Variants in MGAT4C observed in about 807,000 individuals in gnomAD.
The protein encoded by MGAT4C is alpha-1,3-mannosyl-glycoprotein 4-beta-N-acetylglucosaminyltransferase C.
In MGAT4C, 19 loss-of-function variants were observed where a neutral mutation model predicts 40.1. The observed-to-expected ratio is 0.47, with a 90% CI of 0.33 to 0.70. MGAT4C has a LOEUF of 0.70. MGAT4C is among the 30% of genes least tolerant of loss of function. The probability of loss-of-function intolerance (pLI) is 0.02; values close to 1 mark genes in which losing one functional copy is unlikely to be tolerated. For synonymous variants in MGAT4C, 181 were observed against 187.1 expected (o/e 0.97, Z 0.27); for missense variants, 491 against 563.2 (o/e 0.87, Z 1.30).
At chr12:86,432,564 A>C (rs1957060480) in intron 3 of MGAT4C, among the ~76,000 whole-genome samples, 1 of 152,028 alleles carries the variant, frequency 6.6e-6, no homozygotes, top group Non-Finnish European at 1.5e-5. Context: ...TTGTAAATAA[A>C]GGAAAGAAGT....
chr12:86,453,757 T>C (rs1426265801), intron 2 of MGAT4C, among the ~76,000 whole-genome samples: 2 of 152,146 alleles, frequency 1.3e-5, no homozygotes, highest in South Asian at 2.1e-4. Context: ...ATTATTCTTA[T>C]GTCGGGAAAA....
intron 2 of MGAT4C, among the ~76,000 whole-genome samples, chr12:86,660,504 C>A (rs1262806090): frequency 6.6e-6 from 1 of 152,062 alleles, no homozygotes; most frequent in African/African-American, 2.4e-5. Context: ...ATATAAAGAT[C>A]TGGAGTTCAG....
At chr12:86,589,881 G>A (rs1476453733) in intron 2 of MGAT4C, among the ~76,000 whole-genome samples, 1 of 151,880 alleles carries the variant, frequency 6.6e-6, no homozygotes, top group Non-Finnish European at 1.5e-5. Flanking sequence ...ACAAACAAAA[G>A]CACAAGGCCT....
chr12:86,138,567 C>T (rs922063814), intron 1 of MGAT4C, among the ~76,000 whole-genome samples: 9 of 144,294 alleles, frequency 6.2e-5, no homozygotes, highest in Non-Finnish European at 1.1e-4. Flanking sequence ...TATATATTTC[C>T]ATAGATATAT....
At chr12:86,212,891 CAAAAAAAAAAA>C (rs71076172) in intron 1 of MGAT4C, among the ~76,000 whole-genome samples, 78 of 22,524 alleles carry the variant, frequency 3.5e-3, no homozygotes, top group African/African-American at 0.014. Flanking sequence ...GACTCCGTCT[CAAAAAAAAAAA>C]AAAAAAAAAA....
At chr12:86,547,281 C>T (rs149453495) in intron 2 of MGAT4C, among the ~76,000 whole-genome samples, 1 of 152,112 alleles carries the variant, frequency 6.6e-6, no homozygotes, top group African/African-American at 2.4e-5. Context: ...TCCTCATCCT[C>T]TTCTTCTCCC....
chr12:86,283,562 T>C (rs1322857473), intron 4 of MGAT4C, among the ~76,000 whole-genome samples: 2 of 152,118 alleles, frequency 1.3e-5, no homozygotes, highest in African/African-American at 4.8e-5. Flanking sequence ...ATTCTAGTTT[T>C]TATTAATATG....
At chr12:86,150,283 G>A (rs1462293992) in intron 1 of MGAT4C, among the ~76,000 whole-genome samples, 2 of 152,138 alleles carry the variant, frequency 1.3e-5, no homozygotes, top group African/African-American at 4.8e-5. Context: ...ACAGGCCAGG[G>A]TACCAGTCCG....
At chr12:86,137,576 T>A (rs1882148289) in intron 1 of MGAT4C, among the ~76,000 whole-genome samples, 1 of 152,202 alleles carries the variant, frequency 6.6e-6, no homozygotes, top group Admixed American at 6.5e-5. Context: ...TTCTTATCAG[T>A]TCTTTACTCA....
intron 2 of MGAT4C, among the ~76,000 whole-genome samples, chr12:86,724,269 C>T (rs1452762224): frequency 6.6e-6 from 1 of 152,148 alleles, no homozygotes; most frequent in Non-Finnish European, 1.5e-5. Context: ...ATGCATACAC[C>T]TATTTAATGA....
chr12:85,970,311 T>G lies in MGAT4C; in HGVS notation c.*8978A>C, dbSNP rs1284907910. 6.6e-6 allele frequency: 1 copy of G among 151,326 alleles called. No homozygotes were observed. Among genetic ancestry groups the G allele is most frequent in the African/African-American group, 2.4e-5 (1 of 41,372 alleles). The allele number at this position is 151,326 out of a possible 1,614,324, so 9.4% of individuals were successfully genotyped here. A position where few individuals can be genotyped will look rare whatever the true frequency, so the allele number is the denominator to read the frequency against. ...TAGTCTAGTAGATTGACAGGCAGTT[T>G]TATTAAGAAATGAATCAAATGGTAA... On this transcript the variant is annotated 3_prime_UTR_variant, in exon 5 of 5. Coordinates refer to ENST00000611864, the MANE Select transcript of MGAT4C (RefSeq NM_001351288.2).
At chr12:86,587,841 A>AT (rs1312537990) in intron 2 of MGAT4C, among the ~76,000 whole-genome samples, 2 of 150,990 alleles carry the variant, frequency 1.3e-5, no homozygotes, top group Non-Finnish European at 3.0e-5. Context: ...GCTTTAGGAG[A>AT]TTTTGGGCTG....
chr12:86,725,005 A>G (rs986115513), intron 2 of MGAT4C, among the ~76,000 whole-genome samples: 1 of 152,216 alleles, frequency 6.6e-6, no homozygotes, highest in Admixed American at 6.5e-5. Flanking sequence ...TTTACACAAT[A>G]CATAAAACTT....
chr12:86,335,875 C>T (rs763186345), intron 3 of MGAT4C, among the ~76,000 whole-genome samples: 11 of 152,080 alleles, frequency 7.2e-5, no homozygotes, highest in Non-Finnish European at 1.5e-4. Flanking sequence ...CTCTTAATCT[C>T]CCGCTTTAAG....
At chr12:86,000,434 T>C (rs994775506) in intron 2 of MGAT4C, among the ~76,000 whole-genome samples, 1 of 152,146 alleles carries the variant, frequency 6.6e-6, no homozygotes, top group African/African-American at 2.4e-5. Flanking sequence ...TGAAAAAATA[T>C]GCTAATAAGT....
intron 1 of MGAT4C, among the ~76,000 whole-genome samples, chr12:86,236,211 C>T (rs893579173): frequency 1.3e-5 from 2 of 151,894 alleles, no homozygotes; most frequent in Admixed American, 6.6e-5. Context: ...AAAGGTAGAG[C>T]GTTTTCAGGG....
At chr12:86,491,271 G>A (rs896377750) in intron 2 of MGAT4C, among the ~76,000 whole-genome samples, 1 of 152,092 alleles carries the variant, frequency 6.6e-6, no homozygotes, top group Non-Finnish European at 1.5e-5. Flanking sequence ...TAGAAAAAGA[G>A]GGAATCATCC....
At chr12:86,822,486 T>C (rs748470373) in intron 1 of MGAT4C, among the ~76,000 whole-genome samples, 64 of 150,668 alleles carry the variant, frequency 4.2e-4, no homozygotes, top group Admixed American at 3.1e-3. Context: ...TGAAGGTAAG[T>C]GGATGAAAAA....
chr12:86,186,502 C>G (rs941933527), intron 1 of MGAT4C, among the ~76,000 whole-genome samples: 1 of 152,082 alleles, frequency 6.6e-6, no homozygotes, highest in Non-Finnish European at 1.5e-5. Flanking sequence ...ATTGAAGAAC[C>G]AAGCATGCCA....
Sources: allele counts gnomAD v4.1 joint callset (sites outside exome capture counted in the v4.1 genomes callset), GRCh38; gene constraint gnomAD v4.1.1; transcripts MANE v1.5; gene names NCBI Gene and HGNC (gene_info 2026-07-23, HGNC 2026-07-21).